The following BICRA variants were observed in gnomAD, a reference collection of about 807,000 sequenced individuals.
The protein encoded by BICRA is BRD4-interacting chromatin-remodeling complex-associated protein.
BICRA carries 31 observed loss-of-function variants against 96.9 expected under a neutral mutation model. The observed-to-expected ratio is 0.32, with a 90% CI of 0.24 to 0.43. The LOEUF is 0.43. Among genes scored for constraint, BICRA ranks in the 20% least tolerant of loss-of-function variants. BICRA has a pLI of 1.00. For synonymous variants in BICRA, 1,350 were observed against 1,071.8 expected, an observed-to-expected ratio of 1.26 and a Z score of -5.07; for missense variants, 2,283 against 2,190.3, an observed-to-expected ratio of 1.04 and a Z score of -0.84.
At chr19:47,634,452 G>A (rs750084987) in intron 1 of BICRA, among the ~76,000 whole-genome samples, 2 of 152,122 alleles carry the variant, frequency 1.3e-5, no homozygotes, top group African/African-American at 2.4e-5. Flanking sequence ...GAAAGAGTGC[G>A]CCAGAAGGGG....
At chr19:47,668,036 C>T (rs905909949) in intron 1 of BICRA, among the ~76,000 whole-genome samples, 1 of 149,846 alleles carries the variant, frequency 6.7e-6, no homozygotes, top group African/African-American at 2.5e-5. Flanking sequence ...TCAGACCAGC[C>T]TGGCTGACAT....
rs571639260 is a variant in BICRA at position 47,678,519 on chromosome 19, C to T, written c.151-802C>T. On this transcript the variant is annotated intron_variant, in intron 5 of 14. Transcript: ENST00000594866. ...GCGTGCGATGCAGGATCACGTTGGG[C>T]GCCGGGACCAGTGGTGACAAGCTGA... Among the ~76,000 whole-genome samples the T allele has an allele frequency of 5.9e-5, 9 of 152,238 alleles. No individual in the cohort carries two copies. In the East Asian group the frequency reaches 1.2e-3, roughly 20 times the overall value.
At chr19:47,631,889 TC>T (rs1393611303) in intron 1 of BICRA, among the ~76,000 whole-genome samples, 6 of 152,212 alleles carry the variant, frequency 3.9e-5, no homozygotes, top group African/African-American at 7.2e-5. Flanking sequence ...CCTCAGGTGA[TC>T]CACCCGCTTC....
chr19:47,622,185 C>T (rs556242275), intron 1 of BICRA, among the ~76,000 whole-genome samples: 6 of 151,558 alleles, frequency 4.0e-5, no homozygotes, highest in Admixed American at 1.3e-4. Flanking sequence ...AGGCTGGTCT[C>T]GAACTCCTCA....
Position 47,702,071 on chromosome 19 carries a change from C to T in BICRA, c.4339C>T (p.Pro1447Ser), listed in dbSNP as rs764007510. 5.0e-5 allele frequency: 76 copies of T among 1,512,026 alleles called. No homozygotes were observed. The highest frequency in any genetic ancestry group is 6.1e-5 in the Non-Finnish European group (70 of 1,138,600). 93.7% of individuals were successfully genotyped at this position (1,512,026 alleles called of 1,614,324 possible). A position where few individuals can be genotyped will look rare whatever the true frequency, so the allele number is the denominator to read the frequency against. ...DELYQRMLKG[P>S]PPEPAASAAQ... is the part of the protein sequence containing the mutation. The stretch of plus-strand genomic sequence containing the variant: ...GCTGTACCAGCGTATGCTGAAGGGC[C>T]CCCCGCCAGAGCCCGCAGCCAGCGC... The change falls in exon 15 of 15, where the codon CCC becomes TCC. Residue 1447 changes from proline (P) to serine (S), a missense_variant. By Grantham distance (74) the Pro-to-Ser change is moderately conservative (BLOSUM62 -1). Coordinates refer to ENST00000594866, the MANE Select transcript of BICRA (RefSeq NM_001394372.1).
chr19:47,659,530 T>C (rs1363712326), intron 1 of BICRA, among the ~76,000 whole-genome samples: 3 of 152,126 alleles, frequency 2.0e-5, no homozygotes, highest in South Asian at 2.1e-4. Context: ...TTTGTATGAA[T>C]TGGGAAAGGG....
Position 47,681,081 on chromosome 19 carries a change from G to A in BICRA, c.1911G>A (p.Leu637=). ...APPAVSTPLP[L]GLQQPQAQQP... ...CCGCGGTCAGCACACCCCTGCCCCT[G>A]GGCCTCCAGCAGCCGCAGGCGCAGC... The change falls in exon 6 of 15, where the codon CTG becomes CTA. Residue 637 remains leucine (L), a synonymous_variant. Coordinates refer to ENST00000594866, the MANE Select transcript of BICRA (RefSeq NM_001394372.1). 3.5e-6 allele frequency: 5 copies of A among 1,437,178 alleles called. No individual in the cohort carries two copies. The highest frequency in any genetic ancestry group is 2.8e-5 in the South Asian group (2 of 72,170). The allele number at this position is 1,437,178 out of a possible 1,614,324, so 89.0% of individuals were successfully genotyped here.
intron 1 of BICRA, among the ~76,000 whole-genome samples, chr19:47,644,456 T>C (rs111272489): frequency 0.33 from 35,544 of 107,586 alleles, 5,866 homozygotes; most frequent in East Asian, 0.56. Context: ...CCCTCCCTCC[T>C]TCCCCTCCCC....
At chr19:47,668,645 G>C (rs1241004498) in intron 1 of BICRA, among the ~76,000 whole-genome samples, 1 of 151,938 alleles carries the variant, frequency 6.6e-6, no homozygotes, top group African/African-American at 2.4e-5. Context: ...CCGCCACCAG[G>C]CCTGGCCAAT....
intron 1 of BICRA, among the ~76,000 whole-genome samples, chr19:47,612,880 C>A (rs1971930241): frequency 6.6e-6 from 1 of 152,130 alleles, no homozygotes; most frequent in Non-Finnish European, 1.5e-5. Flanking sequence ...CTTATCCCCG[C>A]AGCCACTGTC....
At chr19:47,677,703 A>G (rs973152438) in intron 5 of BICRA, among the ~76,000 whole-genome samples, 3 of 152,210 alleles carry the variant, frequency 2.0e-5, no homozygotes, top group Admixed American at 6.5e-5. Context: ...TCTCAAAAAA[A>G]ACCCAAAGAA....
chr19:47,644,439 C>T (rs1183509114), intron 1 of BICRA, among the ~76,000 whole-genome samples: 1 of 119,608 alleles, frequency 8.4e-6, no homozygotes, highest in Non-Finnish European at 1.7e-5. Flanking sequence ...TCCCTCCCTT[C>T]CTCCCTCCCT....
chr19:47,611,203 A>G (rs899850110), intron 1 of BICRA, among the ~76,000 whole-genome samples: 3 of 152,008 alleles, frequency 2.0e-5, no homozygotes, highest in Admixed American at 1.3e-4. Flanking sequence ...ACCCTTTGGC[A>G]TTTTGTCCCC....
At chr19:47,634,987 C>A (rs1011220153) in intron 1 of BICRA, among the ~76,000 whole-genome samples, 7 of 152,054 alleles carry the variant, frequency 4.6e-5, no homozygotes, top group African/African-American at 1.7e-4. Flanking sequence ...TGGTCTCGAT[C>A]TCCTGACCTC....
chr19:47,633,549 T>TA (rs1972253623), intron 1 of BICRA, among the ~76,000 whole-genome samples: 1 of 152,136 alleles, frequency 6.6e-6, no homozygotes, highest in Non-Finnish European at 1.5e-5. Flanking sequence ...GCCAGACCCT[T>TA]AGTCTTCCTC....
At chr19:47,637,409 G>T (rs1291133984) in intron 1 of BICRA, among the ~76,000 whole-genome samples, 2 of 151,748 alleles carry the variant, frequency 1.3e-5, no homozygotes, top group African/African-American at 4.8e-5. Context: ...GTGAGCCACT[G>T]CGCCCAGCCT....
rs1405239075 is a variant in BICRA at position 47,675,971 on chromosome 19, G to A, written c.150+55G>A. 3 of 1,332,804 alleles carry A rather than the reference G, an allele frequency of 2.3e-6. No individual in the cohort carries two copies. The highest frequency in any genetic ancestry group is 3.2e-6 in the Non-Finnish European group (3 of 946,546). 82.6% of individuals were successfully genotyped at this position (1,332,804 alleles called of 1,614,324 possible). A position where few individuals can be genotyped will look rare whatever the true frequency, so the allele number is the denominator to read the frequency against. ...GAGCTGTTGGGGCTGCCAGCGGGAG[G>A]AGGGCCCTGAAGCCAAGAGGGGAGG... On this transcript the variant is annotated intron_variant, in intron 5 of 14. Coordinates refer to ENST00000594866, the MANE Select transcript of BICRA (RefSeq NM_001394372.1). The surrounding 1 kb of genome is among the most constrained non-coding windows in gnomAD (Gnocchi z 4.7).
Position 47,701,544 on chromosome 19 carries a change from C to T in BICRA, c.3812C>T (p.Ser1271Phe), listed in dbSNP as rs763137868. ...WARASSSLSS[S>F]SSSSSAASSL... ...CGGGCGTCCTCCTCCCTGTCCTCCT[C>T]TTCCTCCTCCTCCTCTGCCGCCTCC... Residue 1271 changes from serine (S) to phenylalanine (F), a missense_variant, in exon 15 of 15, where the codon TCT becomes TTT. Transcript: ENST00000594866. This position sits in a 1 kb window ranked among gnomAD's most constrained non-coding sequence, Gnocchi z 5.4. The T allele has an allele frequency of 4.5e-6, 7 of 1,550,004 alleles. No homozygotes were observed. The African/African-American group carries it at 8.2e-5, about 18-fold the overall frequency.
intron 1 of BICRA, among the ~76,000 whole-genome samples, chr19:47,648,063 G>A (rs987729388): frequency 6.6e-6 from 1 of 151,978 alleles, no homozygotes; most frequent in Non-Finnish European, 1.5e-5. Flanking sequence ...AGTCTTTGTG[G>A]AGCGTCTGCC....
Sources: gnomAD v4.1 joint callset for allele counts (sites outside exome capture counted in the v4.1 genomes callset) on GRCh38, gnomAD v4.1.1 for gene constraint, Gnocchi (gnomAD v3.1) non-coding constraint, MANE v1.5 for transcripts, NCBI Gene and HGNC (gene_info 2026-07-23, HGNC 2026-07-21) for gene names.